The following SLC44A5 variants were observed in gnomAD, a reference collection of about 807,000 sequenced individuals.
The protein encoded by SLC44A5 is solute carrier family 44 member 5, also known as choline transporter-like protein 5.
A neutral mutation model predicts 101.8 loss-of-function variants in SLC44A5; 57 were observed. The ratio of observed to expected loss-of-function variants is 0.56; its 90% CI spans 0.45 to 0.70. The LOEUF (loss-of-function observed/expected upper bound fraction) is 0.70. Ranked by LOEUF, SLC44A5 falls within the 30% of genes least tolerant of loss-of-function variation. SLC44A5 has a pLI of 0.00. For missense variants in SLC44A5, 737 were observed against 853.1 expected (o/e 0.86, Z 1.70); for synonymous variants, 281 against 290.9 (o/e 0.97, Z 0.35).
At chr1:75,447,416 T>C (rs976133158) in intron 2 of SLC44A5, among the ~76,000 whole-genome samples, 2 of 152,312 alleles carry the variant, frequency 1.3e-5, no homozygotes, top group East Asian at 1.9e-4. Context: ...TAATACTTTG[T>C]TAATAATTAA....
At chr1:75,631,152 C>T in the SLC44A5 span, among the ~76,000 whole-genome samples, 1 of 152,174 alleles carries the variant, frequency 6.6e-6, no homozygotes, top group African/African-American at 2.4e-5. Context: ...TCAACCTCAA[C>T]TTCTTATGTA....
the SLC44A5 span, among the ~76,000 whole-genome samples, chr1:75,652,291 G>A: frequency 1.3e-5 from 2 of 152,166 alleles, no homozygotes; most frequent in African/African-American, 4.8e-5. Flanking sequence ...AACTGCACTT[G>A]AGTCTCTCAA....
At chr1:75,633,201 G>A in the SLC44A5 span, among the ~76,000 whole-genome samples, 6 of 152,164 alleles carry the variant, frequency 3.9e-5, no homozygotes, top group South Asian at 8.3e-4. Context: ...TTGGCGATGC[G>A]GGCTCTTTTT....
chr1:75,247,422 A>G (rs1015817316), intron 7 of SLC44A5, among the ~76,000 whole-genome samples: 1 of 152,148 alleles, frequency 6.6e-6, no homozygotes, highest in Non-Finnish European at 1.5e-5. Flanking sequence ...ATATTCATGT[A>G]GAAATATCAC....
intron 2 of SLC44A5, among the ~76,000 whole-genome samples, chr1:75,434,081 A>T (rs1664758097): frequency 6.6e-6 from 1 of 152,090 alleles, no homozygotes; most frequent in Non-Finnish European, 1.5e-5. Flanking sequence ...TGAAATTCGG[A>T]TGGAGACACA....
At chr1:75,465,696 A>T (rs1391204332) in intron 2 of SLC44A5, among the ~76,000 whole-genome samples, 1 of 152,122 alleles carries the variant, frequency 6.6e-6, no homozygotes, top group Non-Finnish European at 1.5e-5. Context: ...GAAAAAGGAG[A>T]TATTACAACT....
intron 2 of SLC44A5, among the ~76,000 whole-genome samples, chr1:75,420,112 A>G (rs1328913220): frequency 6.6e-6 from 1 of 152,042 alleles, no homozygotes; most frequent in Non-Finnish European, 1.5e-5. Flanking sequence ...CTTCTACCCT[A>G]TGAAAACACA....
intron 4 of SLC44A5, among the ~76,000 whole-genome samples, chr1:75,329,293 A>G (rs1007514048): frequency 2.0e-5 from 3 of 152,104 alleles, no homozygotes; most frequent in Non-Finnish European, 4.4e-5. Context: ...AAGAGCCTGC[A>G]CCGCAGACTA....
At chr1:75,420,850 C>T (rs982632436) in intron 2 of SLC44A5, among the ~76,000 whole-genome samples, 2 of 151,992 alleles carry the variant, frequency 1.3e-5, no homozygotes, top group African/African-American at 2.4e-5. Context: ...CAAGTGAAAA[C>T]GTTTATGTCC....
At chr1:75,419,712 C>T (rs1244438196) in intron 2 of SLC44A5, among the ~76,000 whole-genome samples, 1 of 152,086 alleles carries the variant, frequency 6.6e-6, no homozygotes, top group Non-Finnish European at 1.5e-5. Context: ...AATATAAATA[C>T]AATTTTGTCA....
chr1:75,659,113 C>T, the SLC44A5 span, among the ~76,000 whole-genome samples: 1 of 151,782 alleles, frequency 6.6e-6, no homozygotes, highest in South Asian at 2.1e-4. Flanking sequence ...TAATATGTAA[C>T]AAGATAGAAC....
chr1:75,389,045 A>T (rs942098384), intron 3 of SLC44A5, among the ~76,000 whole-genome samples: 1 of 152,284 alleles, frequency 6.6e-6, no homozygotes. Flanking sequence ...GTATGAGATA[A>T]AACAGGATTT....
At chr1:75,242,744 A>C in intron 8 of SLC44A5, 142 bp downstream of exon 8, 1 of 989,104 alleles carries the variant, frequency 1.0e-6, no homozygotes, top group Non-Finnish European at 1.5e-6. Context: ...CCCAGTACAC[A>C]TGCATTTCTG....
intron 3 of SLC44A5, among the ~76,000 whole-genome samples, chr1:75,366,706 C>A (rs889014391): frequency 2.1e-4 from 31 of 150,622 alleles, no homozygotes; most frequent in Non-Finnish European, 1.9e-4. Context: ...ATGCTTTTTT[C>A]ACTCTTTTTC....
intron 4 of SLC44A5, among the ~76,000 whole-genome samples, chr1:75,302,471 A>G (rs987453663): frequency 6.6e-6 from 1 of 152,048 alleles, no homozygotes; most frequent in African/African-American, 2.4e-5. Flanking sequence ...TGTTTGTATC[A>G]TTTCTAATAA....
intron 3 of SLC44A5, among the ~76,000 whole-genome samples, chr1:75,370,105 CT>C (rs1329143642): frequency 2.0e-5 from 3 of 152,320 alleles, no homozygotes; most frequent in Non-Finnish European, 4.4e-5. Context: ...AATTATGTTC[CT>C]CATCCTCCAT....
intron 16 of SLC44A5, 102 bp from the exon 17 acceptor site, chr1:75,218,854 TTC>T: frequency 9.3e-7 from 1 of 1,073,684 alleles, no homozygotes. Flanking sequence ...ATCCTGTTGT[TTC>T]TCTGTTAGCT....
chr1:75,576,377 C>T (rs989443992), intron 1 of SLC44A5, among the ~76,000 whole-genome samples: 3 of 150,916 alleles, frequency 2.0e-5, no homozygotes, highest in Non-Finnish European at 3.0e-5. Context: ...TGCAATGGCG[C>T]GATCTCCACT....
At chr1:75,527,134 CA>C (rs796612556) in intron 2 of SLC44A5, among the ~76,000 whole-genome samples, 1 of 81,844 alleles carries the variant, frequency 1.2e-5, no homozygotes, top group Non-Finnish European at 2.5e-5. Flanking sequence ...GACACTGTCG[CA>C]AAAAAAAAGA....
Sources: allele counts gnomAD v4.1 joint callset (sites outside exome capture counted in the v4.1 genomes callset), GRCh38; gene constraint gnomAD v4.1.1; transcripts MANE v1.5; gene names NCBI Gene and HGNC (gene_info 2026-07-23, HGNC 2026-07-21).